RYR3: variants seen among roughly 807,000 people sequenced by gnomAD.
RYR3 encodes the protein brain ryanodine receptor-calcium release channel.
In RYR3, 207 loss-of-function variants were observed where a neutral mutation model predicts 584.3. That is an observed-to-expected ratio of 0.35 (90% CI 0.32 to 0.40). The LOEUF is 0.40. RYR3 is among the 10% of genes least tolerant of loss of function. The pLI is 1.00. For synonymous variants in RYR3, 2,416 were observed against 2,248.5 expected (o/e 1.07, Z -2.11); for missense variants, 5,616 against 6,089.2 (o/e 0.92, Z 2.59).
rs111661248 is a variant in RYR3 at position 33,311,310 on chromosome 15, C to T, written c.51+214C>T. Among the ~76,000 whole-genome samples the T allele has an allele frequency of 6.6e-6, 1 of 152,182 alleles. No homozygotes were observed. The highest frequency in any genetic ancestry group is 2.4e-5 in the African/African-American group (1 of 41,460). On this transcript the variant is annotated intron_variant, in intron 1 of 103. Transcript: ENST00000634891. The surrounding 1 kb of genome is among the most constrained non-coding windows in gnomAD (Gnocchi z 4.4). ...CACCATCTCCTGCCTCTCCCTTGTT[C>T]CCCTACCGCCACCCCTGCCCCAGGC...
chr15:33,674,398 C>A (rs2064031035), intron 38 of RYR3, among the ~76,000 whole-genome samples: 1 of 152,154 alleles, frequency 6.6e-6, no homozygotes, highest in Non-Finnish European at 1.5e-5. Context: ...CATTCTTTTT[C>A]CCTCTACCCC....
Position 33,458,196 on chromosome 15 carries a change from G to T in RYR3, c.52-15223G>T, listed in dbSNP as rs376932312. On this transcript the variant is annotated intron_variant, in intron 1 of 103. Coordinates refer to ENST00000634891, the MANE Select transcript of RYR3 (RefSeq NM_001036.6). ...AAGAAGAGTGGTTGCCAGGGGCTGGGTAGGGTAGACAGTGGGATAGGAGGA... is the reference window on the plus strand; with the variant it reads ...AAGAAGAGTGGTTGCCAGGGGCTGGTTAGGGTAGACAGTGGGATAGGAGGA... 9.2e-5 allele frequency among the ~76,000 whole-genome samples: 14 copies of T among 152,230 alleles called. No homozygotes were observed. In the East Asian group the frequency reaches 2.1e-3, roughly 23 times the overall value.
chr15:33,659,650 C>A, intron 32 of RYR3, 70 bp from the exon 33 acceptor site: 1 of 982,882 alleles, frequency 1.0e-6, no homozygotes, highest in Non-Finnish European at 1.6e-6. Context: ...GACCAAAACA[C>A]CCAATGGCTG....
chr15:33,694,445 C>T (rs1031044192), intron 38 of RYR3, among the ~76,000 whole-genome samples: 10 of 152,002 alleles, frequency 6.6e-5, no homozygotes, highest in African/African-American at 1.7e-4. Context: ...GGGGTTTCAC[C>T]GTGTTAGCCA....
At position 33,840,875 on chromosome 15, in the gene RYR3, G is replaced by A. The variant is rs1334394931; in HGVS notation, c.13029G>A (p.Glu4343=). Residue 4343 remains glutamate (E), a synonymous_variant, in exon 90 of 104, where the codon GAG becomes GAA. Coordinates refer to ENST00000634891, the MANE Select transcript of RYR3 (RefSeq NM_001036.6). ...ANEAEGKVES[E]KADMEDGEKE... Reference sequence around the variant, plus strand: ...AAGCAGAAGGAAAAGTAGAATCCGAGAAGGCAGAGTAAGTTCTTGGTAGCA... The same window carrying A: ...AAGCAGAAGGAAAAGTAGAATCCGAAAAGGCAGAGTAAGTTCTTGGTAGCA... The A allele has an allele frequency of 1.2e-6, 2 of 1,613,864 alleles. No homozygotes were observed. Among genetic ancestry groups the A allele is most frequent in the East Asian group, 2.2e-5 (1 of 44,876 alleles).
intron 1 of RYR3, among the ~76,000 whole-genome samples, chr15:33,347,866 T>C (rs1369244554): frequency 2.6e-5 from 4 of 152,132 alleles, no homozygotes; most frequent in Non-Finnish European, 5.9e-5. Flanking sequence ...AGCCATTTCT[T>C]CCAGGAACCC....
chr15:33,331,387 T>TC (rs1231695361), intron 1 of RYR3, among the ~76,000 whole-genome samples: 1 of 152,178 alleles, frequency 6.6e-6, no homozygotes, highest in African/African-American at 2.4e-5. Flanking sequence ...ATAAGGTAGA[T>TC]CACTAGCTAA....
chr15:33,682,808 A>C (rs1296395617), intron 38 of RYR3, among the ~76,000 whole-genome samples: 1 of 152,132 alleles, frequency 6.6e-6, no homozygotes, highest in Admixed American at 6.5e-5. Context: ...AATCCTAGAG[A>C]TGCAACAAGG....
intron 1 of RYR3, among the ~76,000 whole-genome samples, chr15:33,395,328 T>C (rs760611553): frequency 4.6e-5 from 7 of 152,260 alleles, no homozygotes; most frequent in Non-Finnish European, 1.0e-4. Flanking sequence ...TGATGCTTTA[T>C]GTTTTATTCT....
At chr15:33,732,799 G>T (rs2069081543) in intron 48 of RYR3, among the ~76,000 whole-genome samples, 1 of 152,166 alleles carries the variant, frequency 6.6e-6, no homozygotes. Context: ...AGCTTCCCAA[G>T]TGATTCCAAT....
At position 33,613,507 on chromosome 15, in the gene RYR3, G is replaced by A; in HGVS notation, c.2357+132G>A. The A allele has an allele frequency of 5.4e-6, 5 of 927,502 alleles. No individual in the cohort carries two copies. The South Asian group carries it at 5.5e-5, about 10-fold the overall frequency. 57.5% of individuals were successfully genotyped at this position (927,502 alleles called of 1,614,324 possible). ...CTAAGTTCCCCAGGACAGTGATGGT[G>A]CAAGGGCAAGAGCCAACTAGAGTCA... On this transcript the variant is annotated intron_variant, in intron 19 of 103. Coordinates refer to ENST00000634891, the MANE Select transcript of RYR3 (RefSeq NM_001036.6).
At chr15:33,435,725 G>C (rs890426456) in intron 1 of RYR3, among the ~76,000 whole-genome samples, 1 of 152,100 alleles carries the variant, frequency 6.6e-6, no homozygotes, top group Non-Finnish European at 1.5e-5. Context: ...GTAGGTTCCT[G>C]GTCTCACTGA....
At chr15:33,531,649 T>A (rs7183664) in intron 4 of RYR3, among the ~76,000 whole-genome samples, 20,532 of 146,950 alleles carry the variant, frequency 0.14, 3,014 homozygotes, top group African/African-American at 0.37. Context: ...ATATATATAT[T>A]TTTTTTTCTG....
chr15:33,757,565 G>A lies in RYR3; in HGVS notation c.8674G>A (p.Ala2892Thr). The A allele has an allele frequency of 6.2e-7, 1 of 1,611,324 alleles. No individual in the cohort carries two copies. Among genetic ancestry groups the A allele is most frequent in the Non-Finnish European group, 8.5e-7 (1 of 1,178,992 alleles). The change falls in exon 60 of 104, where the codon GCC (alanine) becomes ACC (threonine). Residue 2892 changes from alanine to threonine, a missense_variant. This residue lies in a region of RYR3 where 1,280 missense variants were observed against 1,426.2 expected (regional missense o/e 0.90). Transcript: ENST00000634891. ...PLKPLSSSGY[A>T]SHKEKEMVAG... is the part of the protein sequence containing the mutation. ...GAAGCCCCTTAGCAGCAGCGGATAT[G>A]CCTCCCATAAGGAGAAAGAAATGGT...
chr15:33,489,710 G>C (rs1167334113), intron 2 of RYR3, among the ~76,000 whole-genome samples: 3 of 152,148 alleles, frequency 2.0e-5, no homozygotes, highest in African/African-American at 7.2e-5. Context: ...TATTCCTCTA[G>C]GTATGTACCC....
rs375086534 is a variant in RYR3 at position 33,586,020 on chromosome 15, C to T, written c.1692C>T (p.Cys564=). Residue 564 remains cysteine (C), a synonymous_variant, in exon 16 of 104, where the codon TGC becomes TGT. Transcript: ENST00000634891. ...SSSGILEVLH[C]ILTESPEALN... is the part of the protein sequence containing the mutation. ...TAGGTATCTTGGAAGTTTTGCACTG[C>T]ATCTTAACTGAAAGCCCAGAAGCCT... is the stretch of plus-strand genomic sequence containing the variant. 25 of 1,611,962 alleles carry T rather than the reference C, an allele frequency of 1.6e-5. No homozygotes were observed. In the African/African-American group the frequency reaches 3.1e-4, roughly 20 times the overall value.
chr15:33,596,930 A>C (rs2059406058), intron 16 of RYR3, among the ~76,000 whole-genome samples: 1 of 152,156 alleles, frequency 6.6e-6, no homozygotes, highest in Non-Finnish European at 1.5e-5. Context: ...GGCCGAACTA[A>C]CTTTGAGAGG....
chr15:33,698,071 GT>G, intron 40 of RYR3, 75 bp downstream of exon 40: 1 of 981,674 alleles, frequency 1.0e-6, no homozygotes, highest in Non-Finnish European at 1.6e-6. Context: ...TCAGAGCCAC[GT>G]GGCTGGTGTC....
intron 1 of RYR3, chr15:33,465,773 G>A (rs756277273): frequency 3.9e-6 from 2 of 518,964 alleles, no homozygotes; most frequent in Admixed American, 3.9e-5. Context: ...ATGCAAGATG[G>A]TACAATCACA....
Sources: allele counts gnomAD v4.1 joint callset (sites outside exome capture counted in the v4.1 genomes callset), GRCh38; gene constraint gnomAD v4.1.1; regional missense constraint gnomAD v4.1.1; non-coding constraint Gnocchi (gnomAD v3.1); transcripts MANE v1.5; gene names NCBI Gene and HGNC (gene_info 2026-07-23, HGNC 2026-07-21).